ADGRL2: variants seen among roughly 807,000 people sequenced by gnomAD.
ADGRL2 encodes calcium-independent alpha-latrotoxin receptor 2.
In ADGRL2, 44 loss-of-function variants were observed where a neutral mutation model predicts 157.4. That is an observed-to-expected ratio of 0.28 (90% confidence interval 0.22 to 0.36). The LOEUF (loss-of-function observed/expected upper bound fraction) is 0.36, where lower values mean the gene tolerates loss of function less well. Ranked by LOEUF, ADGRL2 falls within the 10% of genes least tolerant of loss-of-function variation. The pLI, the probability that ADGRL2 is intolerant of heterozygous loss-of-function variation, is 1.00. For missense variants in ADGRL2, 1,510 were observed against 1,768.9 expected (o/e 0.85, Z 2.63); for synonymous variants, 585 against 624.7 (o/e 0.94, Z 0.95).
At chr1:81,433,562 A>G (rs896653263) in intron 1 of ADGRL2, among the ~76,000 whole-genome samples, 3 of 152,132 alleles carry the variant, frequency 2.0e-5, no homozygotes, top group Non-Finnish European at 4.4e-5. Flanking sequence ...TTTTGGGGAG[A>G]GTTTAAAATG....
At chr1:81,581,874 G>GCA (rs869309464) in intron 3 of ADGRL2, among the ~76,000 whole-genome samples, 4,363 of 83,436 alleles carry the variant, frequency 0.052, 93 homozygotes, top group African/African-American at 0.086. Context: ...ACACATGCGC[G>GCA]CACACACACA....
In ADGRL2 at chr1:81,952,812, AT is replaced by A. The variant is rs552789117; in HGVS notation, c.1795-174del. ...AGATTAGTATACTTCATAAAATAGAATAAAAAACTGTAAATAAGCAGTTTTG... is the reference window on the plus strand; with the variant it reads ...AGATTAGTATACTTCATAAAATAGAAAAAAAACTGTAAATAAGCAGTTTTG... On this transcript the variant is annotated intron_variant, in intron 9 of 23. Transcript: ENST00000686636. Among the ~76,000 whole-genome samples, 645 of 152,232 alleles carry A rather than the reference AT, an allele frequency of 4.2e-3. 5 individuals carry two copies. Among genetic ancestry groups the A allele is most frequent in the African/African-American group, 0.014 (596 of 41,548 alleles).
rs139032741 is a variant in ADGRL2 at position 81,543,337 on chromosome 1, A to G, written c.-247-37539A>G. Among the ~76,000 whole-genome samples, 1,178 of 152,032 alleles carry G rather than the reference A, an allele frequency of 7.7e-3. 15 individuals carry two copies. The highest frequency in any genetic ancestry group is 0.027 in the African/African-American group (1,131 of 41,352). On this transcript the variant is annotated intron_variant, in intron 2 of 24. Transcript: ENST00000370721. ...AAGGGAGTTGTTCACCCCTTCCATC[A>G]TGTGAGGACACAAGGAGAAGGCATT...
chr1:81,956,657 TGAAA>T (rs1653601471), intron 11 of ADGRL2, among the ~76,000 whole-genome samples: 1 of 152,160 alleles, frequency 6.6e-6, no homozygotes, highest in Admixed American at 6.5e-5. Context: ...GAAAAATATT[TGAAA>T]GAAATACAGT....
intron 2 of ADGRL2, among the ~76,000 whole-genome samples, chr1:81,839,307 A>T (rs1389509406): frequency 6.6e-6 from 1 of 152,058 alleles, no homozygotes; most frequent in Non-Finnish European, 1.5e-5. Flanking sequence ...TGAGTGATTA[A>T]ATTGAGCTGC....
intron 2 of ADGRL2, among the ~76,000 whole-genome samples, chr1:81,571,311 G>A (rs955217572): frequency 1.3e-5 from 2 of 149,480 alleles, no homozygotes; most frequent in East Asian, 2.0e-4. Flanking sequence ...GTGACAGAGC[G>A]AGACTCTGGC....
chr1:81,770,937 T>C (rs2086345065), intron 2 of ADGRL2, among the ~76,000 whole-genome samples: 1 of 152,164 alleles, frequency 6.6e-6, no homozygotes, highest in Admixed American at 6.5e-5. Flanking sequence ...TATTTTTATT[T>C]CTATTTGGGA....
chr1:81,914,036 G>T (rs1210430052), intron 3 of ADGRL2, among the ~76,000 whole-genome samples: 7 of 151,702 alleles, frequency 4.6e-5, no homozygotes, highest in Non-Finnish European at 5.9e-5. Context: ...TATGGGAAGT[G>T]GTGAATATTG....
intron 1 of ADGRL2, among the ~76,000 whole-genome samples, chr1:81,754,197 C>G (rs2085587724): frequency 6.9e-6 from 1 of 145,364 alleles, no homozygotes; most frequent in Admixed American, 7.0e-5. Flanking sequence ...CATAGATTCC[C>G]TCCCTCCCTC....
intron 1 of ADGRL2, among the ~76,000 whole-genome samples, chr1:81,744,276 T>TA (rs1473014268): frequency 1.3e-5 from 2 of 152,170 alleles, no homozygotes; most frequent in Non-Finnish European, 2.9e-5. Context: ...AAACACTACT[T>TA]ACATTATCCC....
intron 3 of ADGRL2, among the ~76,000 whole-genome samples, chr1:81,683,807 GAAT>G (rs954571127): frequency 2.0e-5 from 3 of 151,678 alleles, no homozygotes; most frequent in African/African-American, 7.3e-5. Context: ...TGTCTTTTTT[GAAT>G]AATGAGTTCT....
intron 1 of ADGRL2, among the ~76,000 whole-genome samples, chr1:81,348,392 A>T (rs989538565): frequency 6.6e-6 from 1 of 152,232 alleles, no homozygotes; most frequent in Non-Finnish European, 1.5e-5. Context: ...ACTTTTTGAC[A>T]GTAGCCTTTC....
chr1:81,807,664 G>C (rs1316654768), intron 1 of ADGRL2, among the ~76,000 whole-genome samples: 1 of 151,682 alleles, frequency 6.6e-6, no homozygotes, highest in Non-Finnish European at 1.5e-5. Context: ...GAGTAACAAG[G>C]GTCTGTCAAC....
chr1:81,949,127 C>G (rs1289483603), intron 6 of ADGRL2, among the ~76,000 whole-genome samples: 1 of 152,168 alleles, frequency 6.6e-6, no homozygotes, highest in East Asian at 1.9e-4. Flanking sequence ...TTTTCATTTG[C>G]TCTACTACAA....
At chr1:81,535,744 CAAT>C (rs774178468) in intron 2 of ADGRL2, among the ~76,000 whole-genome samples, 2 of 152,066 alleles carry the variant, frequency 1.3e-5, no homozygotes, top group Admixed American at 1.3e-4. Context: ...TTAAGACACT[CAAT>C]GATGATAAAC....
At chr1:81,682,627 T>A (rs1248302030) in intron 3 of ADGRL2, among the ~76,000 whole-genome samples, 1 of 152,190 alleles carries the variant, frequency 6.6e-6, no homozygotes, top group Non-Finnish European at 1.5e-5. Flanking sequence ...TCCATGTGCA[T>A]ATTTGTTTCT....
At chr1:81,921,412 T>A (rs2148606562) in intron 3 of ADGRL2, among the ~76,000 whole-genome samples, 1 of 152,304 alleles carries the variant, frequency 6.6e-6, no homozygotes, top group South Asian at 2.1e-4. Flanking sequence ...TTGTGTACAA[T>A]ATGATAATGT....
At chr1:81,809,106 C>T (rs1456192387) in intron 1 of ADGRL2, among the ~76,000 whole-genome samples, 1 of 151,836 alleles carries the variant, frequency 6.6e-6, no homozygotes, top group Admixed American at 6.6e-5. Context: ...AAACGTGGCC[C>T]CTGTTGGTTT....
At chr1:81,975,953 T>G (rs1199348214) in intron 17 of ADGRL2, among the ~76,000 whole-genome samples, 1 of 152,034 alleles carries the variant, frequency 6.6e-6, no homozygotes, top group South Asian at 2.1e-4. Context: ...CTGAAAAAGA[T>G]TGCAGCAACA....
Sources: gnomAD v4.1 joint callset for allele counts (sites outside exome capture counted in the v4.1 genomes callset) on GRCh38, gnomAD v4.1.1 for gene constraint, MANE v1.5 for transcripts, NCBI Gene and HGNC (gene_info 2026-07-23, HGNC 2026-07-21) for gene names.